The following SOX5 variants were observed in gnomAD, a reference collection of about 807,000 sequenced individuals.
SOX5 encodes the protein transcription factor SOX-5.
Under a neutral mutation model 92.0 loss-of-function variants are expected in SOX5, and 9 were observed. That is an observed-to-expected ratio of 0.10 (90% CI 0.06 to 0.17). The LOEUF (loss-of-function observed/expected upper bound fraction) is 0.17, where lower values mean the gene tolerates loss of function less well. Among genes scored for constraint, SOX5 ranks in the 10% least tolerant of loss-of-function variants. The pLI is 1.00. For missense variants in SOX5, 642 were observed against 944.5 expected (o/e 0.68, Z 4.20); for synonymous variants, 344 against 336.3 (o/e 1.02, Z -0.25).
chr12:24,039,713 T>G lies in SOX5; in HGVS notation c.-1-143689A>C, dbSNP rs1398334432. ...GTCCATATCCTACAGTATATACATATTCATTTTCCCTAGCCCTTTTGTAAT... is the reference window on the plus strand; with the variant it reads ...GTCCATATCCTACAGTATATACATAGTCATTTTCCCTAGCCCTTTTGTAAT... On this transcript the variant is annotated intron_variant, in intron 4 of 4. Transcript: ENST00000446891. 2.0e-5 allele frequency among the ~76,000 whole-genome samples: 3 copies of G among 152,194 alleles called. No individual in the cohort carries two copies. In the South Asian group the frequency reaches 6.2e-4, roughly 31 times the overall value.
chr12:24,539,389 G>A (rs1409614990), intron 1 of SOX5, among the ~76,000 whole-genome samples: 2 of 152,114 alleles, frequency 1.3e-5, no homozygotes, highest in East Asian at 1.9e-4. Flanking sequence ...TAAACAAGAA[G>A]TCATTATTGT....
intron 3 of SOX5, among the ~76,000 whole-genome samples, chr12:23,765,907 AT>A (rs959424261): frequency 2.0e-5 from 3 of 152,078 alleles, no homozygotes; most frequent in Non-Finnish European, 4.4e-5. Context: ...GAACAAAGAC[AT>A]GGCCTCTGTA....
At chr12:24,052,402 CTT>C (rs1008578535) in intron 4 of SOX5, among the ~76,000 whole-genome samples, 3 of 152,080 alleles carry the variant, frequency 2.0e-5, no homozygotes, top group Non-Finnish European at 2.9e-5. Flanking sequence ...TTAATACTCT[CTT>C]GTTAATTTTA....
intron 4 of SOX5, among the ~76,000 whole-genome samples, chr12:24,146,534 AT>A (rs1255716286): frequency 2.0e-5 from 3 of 152,252 alleles, no homozygotes; most frequent in Admixed American, 6.5e-5. Flanking sequence ...TTTTTTAAAA[AT>A]GTCTCAAACC....
intron 11 of SOX5, among the ~76,000 whole-genome samples, chr12:23,551,493 A>G (rs1004737879): frequency 2.0e-5 from 3 of 150,762 alleles, no homozygotes; most frequent in African/African-American, 7.2e-5. Context: ...TATATAAACT[A>G]TATGTGTGTG....
intron 11 of SOX5, among the ~76,000 whole-genome samples, chr12:23,553,002 C>T (rs533627771): frequency 1.1e-3 from 164 of 152,070 alleles, no homozygotes; most frequent in Middle Eastern, 0.01. Flanking sequence ...AGACAACTAT[C>T]GCTGATATTT....
chr12:23,859,159 T>C (rs1335586695), intron 2 of SOX5, among the ~76,000 whole-genome samples: 2 of 152,172 alleles, frequency 1.3e-5, no homozygotes, highest in African/African-American at 4.8e-5. Context: ...CAAGGAAAGA[T>C]AACCATAAGG....
intron 4 of SOX5, among the ~76,000 whole-genome samples, chr12:24,198,810 T>C (rs74344472): frequency 0.012 from 1,801 of 152,326 alleles, 29 homozygotes; most frequent in African/African-American, 0.041. Flanking sequence ...GTCACTACAC[T>C]TTTAATTCCT....
intron 7 of SOX5, among the ~76,000 whole-genome samples, chr12:23,653,006 G>GGATA (rs1439670452): frequency 6.7e-6 from 1 of 149,324 alleles, no homozygotes; most frequent in Non-Finnish European, 1.5e-5. Flanking sequence ...GAATATGGAT[G>GGATA]GATGGATGGA....
intron 7 of SOX5, among the ~76,000 whole-genome samples, chr12:23,661,398 G>A (rs371733056): frequency 4.6e-5 from 7 of 152,282 alleles, no homozygotes; most frequent in Middle Eastern, 3.4e-3. Context: ...ATGTGCTGCA[G>A]GAAGAGGCCT....
At chr12:23,828,880 T>C (rs2096272566) in intron 3 of SOX5, among the ~76,000 whole-genome samples, 1 of 152,130 alleles carries the variant, frequency 6.6e-6, no homozygotes, top group South Asian at 2.1e-4. Flanking sequence ...ACATGTAAGA[T>C]GGGCTATCTT....
At chr12:24,180,856 T>C (rs927707687) in intron 4 of SOX5, among the ~76,000 whole-genome samples, 7 of 152,212 alleles carry the variant, frequency 4.6e-5, no homozygotes, top group African/African-American at 1.7e-4. Flanking sequence ...AAGTAGTTAA[T>C]GTAACCCATA....
chr12:23,682,319 G>T (rs2086755250), intron 6 of SOX5, among the ~76,000 whole-genome samples: 1 of 151,718 alleles, frequency 6.6e-6, no homozygotes, highest in South Asian at 2.1e-4. Context: ...CTGAATAAGT[G>T]GTTTTGCCTT....
chr12:24,298,799 AACT>A (rs1392527008), intron 2 of SOX5, among the ~76,000 whole-genome samples: 2 of 123,214 alleles, frequency 1.6e-5, no homozygotes, highest in Non-Finnish European at 3.9e-5. Context: ...AAAAAAAAAA[AACT>A]ACATTTTTTT....
chr12:23,862,894 CAAT>C (rs1009948564), intron 2 of SOX5, among the ~76,000 whole-genome samples: 1 of 152,100 alleles, frequency 6.6e-6, no homozygotes, highest in African/African-American at 2.4e-5. Flanking sequence ...AATTCTTATC[CAAT>C]TCCACAGAGC....
At chr12:24,560,501 T>C (rs1954231171) in intron 1 of SOX5, among the ~76,000 whole-genome samples, 1 of 152,222 alleles carries the variant, frequency 6.6e-6, no homozygotes, top group Non-Finnish European at 1.5e-5. Context: ...TTTTAAATCA[T>C]TGTGGCTGAA....
intron 4 of SOX5, among the ~76,000 whole-genome samples, chr12:24,140,249 AG>A (rs1264736216): frequency 6.6e-6 from 1 of 151,988 alleles, no homozygotes; most frequent in African/African-American, 2.4e-5. Flanking sequence ...GGGGTAAGGG[AG>A]GGGTGGTGGT....
At chr12:24,414,613 G>T (rs375983155) in intron 1 of SOX5, among the ~76,000 whole-genome samples, 2 of 152,210 alleles carry the variant, frequency 1.3e-5, no homozygotes, top group African/African-American at 4.8e-5. Context: ...TCACCCAGAG[G>T]TGCCACATGT....
chr12:24,089,056 G>T (rs1419501822), intron 4 of SOX5, among the ~76,000 whole-genome samples: 1 of 151,984 alleles, frequency 6.6e-6, no homozygotes, highest in Admixed American at 6.6e-5. Flanking sequence ...ATATACTCCT[G>T]GTTGCAAATG....
Sources: gnomAD v4.1 joint callset for allele counts (sites outside exome capture counted in the v4.1 genomes callset) on GRCh38, gnomAD v4.1.1 for gene constraint, MANE v1.5 for transcripts, NCBI Gene and HGNC (gene_info 2026-07-23, HGNC 2026-07-21) for gene names.